HYAL4: variants seen among roughly 807,000 people sequenced by gnomAD.
The protein encoded by HYAL4 is hyaluronidase 4.
Under a neutral mutation model 35.2 loss-of-function variants are expected in HYAL4, and 37 were observed. That is an observed-to-expected ratio of 1.05 (90% confidence interval 0.81 to 1.38). The LOEUF (loss-of-function observed/expected upper bound fraction) is 1.38, where lower values mean the gene tolerates loss of function less well. HYAL4 is among the 40% of genes most tolerant of loss of function. The pLI is 0.00. For synonymous variants in HYAL4, 198 were observed against 203.2 expected, an observed-to-expected ratio of 0.97 and a Z score of 0.22; for missense variants, 572 against 572.4, an observed-to-expected ratio of 1.00 and a Z score of 0.01.
At chr7:123,847,778 A>AAATAAT (rs1000886829) in intron 1 of HYAL4, among the ~76,000 whole-genome samples, 3 of 151,954 alleles carry the variant, frequency 2.0e-5, no homozygotes, top group Admixed American at 6.6e-5. Flanking sequence ...ACTCCGTCTA[A>AAATAAT]AATAATAATA....
chr7:123,868,413 C>G lies in HYAL4; in HGVS notation c.140C>G (p.Pro47Arg), dbSNP rs1481630944. The change falls in exon 3 of 5, where the codon CCT becomes CGT. Residue 47 changes from proline to arginine, a missense_variant. Physicochemically the swap from Pro to Arg is moderately radical, Grantham distance 103. Coordinates refer to ENST00000223026, the MANE Select transcript of HYAL4 (RefSeq NM_012269.3). ...CGACTTCCAATTTATCAAAGGAAAC[C>G]TTTTATAGCTGCTTGGAATGCTCCA... ...PARLPIYQRK[P>R]FIAAWNAPTD... The G allele has an allele frequency of 1.2e-6, 2 of 1,612,970 alleles. No homozygotes were observed. The highest frequency in any genetic ancestry group is 2.2e-5 in the South Asian group (2 of 90,710).
the HYAL4 span, among the ~76,000 whole-genome samples, chr7:123,777,485 G>T: frequency 5.3e-5 from 8 of 152,056 alleles, no homozygotes; most frequent in Non-Finnish European, 1.5e-5. Flanking sequence ...AGACAGAGTT[G>T]ACTGATATTT....
rs1397936222 is a variant in HYAL4 at position 123,874,630 on chromosome 7, C to T, written c.955-131C>T. 5.1e-6 allele frequency: 3 copies of T among 591,244 alleles called. No individual in the cohort carries two copies. In the East Asian group the frequency reaches 8.4e-5, roughly 17 times the overall value. The allele number at this position is 591,244 out of a possible 1,614,324, so 36.6% of individuals were successfully genotyped here. ...CTGTGTTGACCAGGCTGGTCTCAAA[C>T]TCTTGACCTCGTGATCTGCCCGCCT... On this transcript the variant is annotated intron_variant, in intron 3 of 4. Coordinates refer to ENST00000223026, the MANE Select transcript of HYAL4 (RefSeq NM_012269.3).
At position 123,876,734 on chromosome 7, in the gene HYAL4, A is replaced by G. The variant is rs1383222553; in HGVS notation, c.1045-20A>G. ...TACCAGGGAGAACACACTAAAATTG[A>G]TTTCTTCCTACATTTCTAGGCCAAC... On this transcript the variant is annotated intron_variant, in intron 4 of 4. Transcript: ENST00000223026. The G allele has an allele frequency of 1.9e-6, 3 of 1,599,940 alleles. No homozygotes were observed. The highest frequency in any genetic ancestry group is 2.7e-5 in the African/African-American group (2 of 74,498).
chr7:123,786,263 A>T, the HYAL4 span, among the ~76,000 whole-genome samples: 38,600 of 152,114 alleles, frequency 0.25, 5,225 homozygotes, highest in Middle Eastern at 0.35. Flanking sequence ...CACTCTACAT[A>T]AGTGCTCAAA....
chr7:123,789,459 C>G, the HYAL4 span, among the ~76,000 whole-genome samples: 1 of 152,064 alleles, frequency 6.6e-6, no homozygotes, highest in African/African-American at 2.4e-5. Context: ...CCAGGAGAGG[C>G]AAATCAACTG....
chr7:123,797,614 CTGA>C, the HYAL4 span, among the ~76,000 whole-genome samples: 1 of 152,202 alleles, frequency 6.6e-6, no homozygotes, highest in African/African-American at 2.4e-5. Flanking sequence ...TTGGCCTCTG[CTGA>C]TAAGTACTAA....
chr7:123,853,384 C>CTA (rs1806355363), intron 2 of HYAL4, among the ~76,000 whole-genome samples: 1 of 152,070 alleles, frequency 6.6e-6, no homozygotes, highest in African/African-American at 2.4e-5. Context: ...ATAAATAGCT[C>CTA]TTATTGTATT....
At chr7:123,787,312 A>T in the HYAL4 span, among the ~76,000 whole-genome samples, 6 of 147,658 alleles carry the variant, frequency 4.1e-5, no homozygotes, top group South Asian at 2.1e-4. Context: ...TACATTTTAA[A>T]TTTTTTTTTT....
chr7:123,873,822 C>A (rs1186973558), intron 3 of HYAL4, among the ~76,000 whole-genome samples: 1 of 152,150 alleles, frequency 6.6e-6, no homozygotes, highest in East Asian at 1.9e-4. Flanking sequence ...TCTGTCTTAA[C>A]CATATTGCAG....
intron 1 of HYAL4, among the ~76,000 whole-genome samples, chr7:123,838,395 G>A (rs569543555): frequency 7.2e-5 from 11 of 151,968 alleles, no homozygotes; most frequent in South Asian, 4.2e-4. Flanking sequence ...ATCATGCTAC[G>A]TATGGGCTTA....
At chr7:123,822,702 T>TA in the HYAL4 span, among the ~76,000 whole-genome samples, 3 of 152,218 alleles carry the variant, frequency 2.0e-5, no homozygotes, top group Non-Finnish European at 4.4e-5. Context: ...CTCATGCCTA[T>TA]AATCCCAGTA....
intron 2 of HYAL4, among the ~76,000 whole-genome samples, chr7:123,860,019 A>G (rs575078417): frequency 6.6e-6 from 1 of 152,200 alleles, no homozygotes; most frequent in Admixed American, 6.6e-5. Flanking sequence ...TGTAATCCCC[A>G]TGTGTGGAGG....
chr7:123,860,083 A>T (rs545866969), intron 2 of HYAL4, among the ~76,000 whole-genome samples: 2 of 152,312 alleles, frequency 1.3e-5, no homozygotes, highest in South Asian at 4.1e-4. Flanking sequence ...TCTCCTGATA[A>T]TGCATGAGTT....
At chr7:123,853,865 T>C (rs772937744) in intron 2 of HYAL4, among the ~76,000 whole-genome samples, 5 of 152,190 alleles carry the variant, frequency 3.3e-5, no homozygotes, top group Non-Finnish European at 7.3e-5. Context: ...CCTGGGCTTT[T>C]TTTGGTTGGT....
chr7:123,809,539 G>A, the HYAL4 span, among the ~76,000 whole-genome samples: 2 of 151,762 alleles, frequency 1.3e-5, no homozygotes, highest in African/African-American at 4.8e-5. Context: ...GGGACTATAG[G>A]CATGCACCAT....
At chr7:123,872,190 A>G (rs780746057) in intron 3 of HYAL4, among the ~76,000 whole-genome samples, 3 of 152,154 alleles carry the variant, frequency 2.0e-5, no homozygotes, top group Middle Eastern at 3.4e-3. Flanking sequence ...TCCAATGTCT[A>G]TTATTGCACT....
At chr7:123,820,779 G>A in the HYAL4 span, among the ~76,000 whole-genome samples, 1 of 152,020 alleles carries the variant, frequency 6.6e-6, no homozygotes, top group Admixed American at 6.6e-5. Context: ...TAACTGAAAC[G>A]TTACAACCTT....
chr7:123,797,434 G>A, the HYAL4 span, among the ~76,000 whole-genome samples: 1 of 152,308 alleles, frequency 6.6e-6, no homozygotes, highest in African/African-American at 2.4e-5. Flanking sequence ...AGGAAGCAAC[G>A]TTAAAATTCT....
Sources: allele counts gnomAD v4.1 joint callset (sites outside exome capture counted in the v4.1 genomes callset), GRCh38; gene constraint gnomAD v4.1.1; transcripts MANE v1.5; gene names NCBI Gene and HGNC (gene_info 2026-07-23, HGNC 2026-07-21).